ZYX: variants seen among roughly 807,000 people sequenced by gnomAD.
The protein encoded by ZYX is zyxin, also known as zyxin-2.
Under a neutral mutation model 58.1 loss-of-function variants are expected in ZYX, and 37 were observed. That is an observed-to-expected ratio of 0.64 (90% CI 0.49 to 0.84). The LOEUF (loss-of-function observed/expected upper bound fraction) is 0.84. Ranked by LOEUF, ZYX falls within the 40% of genes least tolerant of loss-of-function variation. The pLI, the probability that ZYX is intolerant of heterozygous loss-of-function variation, is 0.00. For synonymous variants in ZYX, 324 were observed against 321.1 expected, an observed-to-expected ratio of 1.01 and a Z score of -0.10; for missense variants, 762 against 761.6, an observed-to-expected ratio of 1.00 and a Z score of -0.01.
Position 143,382,452 on chromosome 7 carries a change from G to T in ZYX, c.408+5G>T. On this transcript the variant is annotated splice_donor_5th_base_variant and intron_variant, in intron 3 of 9. Coordinates refer to ENST00000322764, the MANE Select transcript of ZYX (RefSeq NM_003461.5). ...CCCATACCGCCCCCACCACAGGTAC[G>T]GAGGCCTGGGAGGGGCGGCTGCACT... The T allele has an allele frequency of 6.3e-7, 1 of 1,598,026 alleles. No individual in the cohort carries two copies. Among genetic ancestry groups the T allele is most frequent in the South Asian group, 1.1e-5 (1 of 90,436 alleles).
Position 143,388,844 on chromosome 7 carries a change from C to T in ZYX, c.1392C>T (p.His464=), listed in dbSNP as rs145663530. 2.5e-6 allele frequency: 4 copies of T among 1,613,966 alleles called. No homozygotes were observed. Among genetic ancestry groups the T allele is most frequent in the Admixed American group, 1.7e-5 (1 of 60,002 alleles). ...RMLRATGKAY[H]PHCFTCVVCA... ...TGAGGGCCACGGGCAAGGCCTATCA[C>T]CCGCACTGCTTCACCTGTGTGGTCT... The change falls in exon 8 of 10, where the codon CAC becomes CAT. Residue 464 remains histidine (H), a synonymous_variant. Coordinates refer to ENST00000322764, the MANE Select transcript of ZYX (RefSeq NM_003461.5). The surrounding 1 kb of genome is among the most constrained non-coding windows in gnomAD (Gnocchi z 7.5).
rs557841980 is a variant in ZYX at position 143,387,246 on chromosome 7, G to A, written c.1024-973G>A. ...GCAACTCTGGGTACAGATGGGGGTCGGGGTGAGGGGCAGTGAAGCCAGGGC... is the reference window on the plus strand; with the variant it reads ...GCAACTCTGGGTACAGATGGGGGTCAGGGTGAGGGGCAGTGAAGCCAGGGC... On this transcript the variant is annotated intron_variant, in intron 5 of 9. Coordinates refer to ENST00000322764, the MANE Select transcript of ZYX (RefSeq NM_003461.5). The surrounding 1 kb of genome is among the most constrained non-coding windows in gnomAD (Gnocchi z 5.8). Among the ~76,000 whole-genome samples, 9 of 152,228 alleles carry A rather than the reference G, an allele frequency of 5.9e-5. No homozygotes were observed. The highest frequency in any genetic ancestry group is 1.9e-4 in the African/African-American group (8 of 41,532).
Position 143,384,762 on chromosome 7 carries a change from C to T in ZYX, c.1023+1440C>T, listed in dbSNP as rs536065378. The stretch of plus-strand genomic sequence containing the variant: ...GGAAGAGGGAAAAAAAAGTCTCCAG[C>T]ACGATTTGGAGATGGGGTGTGGGCG... On this transcript the variant is annotated intron_variant, in intron 5 of 9. Transcript: ENST00000322764. This position sits in a 1 kb window ranked among gnomAD's most constrained non-coding sequence, Gnocchi z 4.9. Among the ~76,000 whole-genome samples the T allele has an allele frequency of 8.5e-5, 13 of 152,160 alleles. No homozygotes were observed. In the South Asian group the frequency reaches 2.5e-3, roughly 29 times the overall value.
At chr7:143,385,160 T>G (rs1563108616) in intron 5 of ZYX, among the ~76,000 whole-genome samples, 1 of 152,044 alleles carries the variant, frequency 6.6e-6, no homozygotes, top group South Asian at 2.1e-4. Flanking sequence ...GGCTAGAGAT[T>G]AGACTGTTGG....
chr7:143,383,465 C>T (rs1804737665), intron 5 of ZYX, 143 bp downstream of exon 5: 2 of 1,127,962 alleles, frequency 1.8e-6, no homozygotes, highest in South Asian at 1.6e-5. Context: ...TTTTCATCCT[C>T]TGGGGTTAGC....
Position 143,388,589 on chromosome 7 carries a change from TGC to T in ZYX, c.1248_1249del (p.Gln417AlafsTer22), listed in dbSNP as rs1232264930. The T allele has an allele frequency of 6.2e-7, 1 of 1,612,770 alleles. No homozygotes were observed. The highest frequency in any genetic ancestry group is 8.5e-7 in the Non-Finnish European group (1 of 1,179,962). ...TCGCCTGCTTCACCTGCCACCAGTG[TGC>T]GCAGCAGCTCCAGGGCCAGCAGTTC... ...HIACFTCHQCAQQLQGQQFYS... is the reference protein window; with the variant it reads ...HIACFTCHQCXQQLQGQQFYS... On this transcript the variant is annotated frameshift_variant, in exon 7 of 10. Transcript: ENST00000322764. LOFTEE classifies it high-confidence loss of function. The surrounding 1 kb of genome is among the most constrained non-coding windows in gnomAD (Gnocchi z 7.5).
At position 143,388,738 on chromosome 7, in the gene ZYX, C is replaced by G. The variant is rs140343735; in HGVS notation, c.1315-29C>G. 6 of 1,610,436 alleles carry G rather than the reference C, an allele frequency of 3.7e-6. No homozygotes were observed. Among genetic ancestry groups the G allele is most frequent in the Non-Finnish European group, 5.1e-6 (6 of 1,177,652 alleles). ...AAGCTTGCTGTGGGGTGCCGGTTCC[C>G]TGCCAACCTCCTCCTGCTGCCTCCT... is the stretch of plus-strand genomic sequence containing the variant. On this transcript the variant is annotated intron_variant, in intron 7 of 9. Coordinates refer to ENST00000322764, the MANE Select transcript of ZYX (RefSeq NM_003461.5). This position sits in a 1 kb window ranked among gnomAD's most constrained non-coding sequence, Gnocchi z 7.5.
At position 143,383,292 on chromosome 7, in the gene ZYX, C is replaced by T. The variant is rs748438882; in HGVS notation, c.993C>T (p.Pro331=). 110 of 1,610,594 alleles carry T rather than the reference C, an allele frequency of 6.8e-5. No homozygotes were observed. Among genetic ancestry groups the T allele is most frequent in the Non-Finnish European group, 8.8e-5 (104 of 1,178,832 alleles). ...CCCGAGTGCAGGAGAAGCAGCACCC[C>T]GTGCCCCCACCGGCTCAGAACCAAA... ...EKPRVQEKQH[P]VPPPAQNQNQ... is the part of the protein sequence containing the mutation. Residue 331 remains proline, a synonymous_variant, in exon 5 of 10, where the codon CCC becomes CCT. Transcript: ENST00000322764.
In ZYX at chr7:143,390,666, C is replaced by A; in HGVS notation, c.1703C>A (p.Ala568Asp). The A allele has an allele frequency of 6.3e-7, 1 of 1,582,132 alleles. No homozygotes were observed. Among genetic ancestry groups the A allele is most frequent in the Admixed American group, 1.8e-5 (1 of 55,056 alleles). ...GHVLCRKCHTARAQT is the reference protein window; with the variant it reads ...GHVLCRKCHTDRAQT ...GTGCTCTGTCGGAAGTGCCACACTGCTAGAGCCCAGACCTGAGTGAGGACA... is the reference window on the plus strand; with the variant it reads ...GTGCTCTGTCGGAAGTGCCACACTGATAGAGCCCAGACCTGAGTGAGGACA... The change falls in exon 10 of 10, where the codon GCT becomes GAT. Residue 568 changes from alanine (A) to aspartate (D), a missense_variant. Ala to Asp is a moderately radical substitution (Grantham distance 126). Coordinates refer to ENST00000322764, the MANE Select transcript of ZYX (RefSeq NM_003461.5). This position sits in a 1 kb window ranked among gnomAD's most constrained non-coding sequence, Gnocchi z 4.3.
intron 3 of ZYX, 53 bp from the exon 4 acceptor site, chr7:143,382,539 TG>T: frequency 6.2e-7 from 1 of 1,602,236 alleles, no homozygotes; most frequent in East Asian, 2.2e-5. Flanking sequence ...ACCTCTGCCT[TG>T]GGGGTGGGGG....
rs1805012702 is a variant in ZYX at position 143,390,016 on chromosome 7, CAGG to C, written c.1614+43_1614+45del. 1 of 1,606,952 alleles carries C rather than the reference CAGG, an allele frequency of 6.2e-7. No homozygotes were observed. The highest frequency in any genetic ancestry group is 8.5e-7 in the Non-Finnish European group (1 of 1,174,852). ...CTGGACTCCTTGGGCAGGTTCTGAC[CAGG>C]AGGTGGCGGGAGATGCTGCTTACTA... On this transcript the variant is annotated intron_variant, in intron 9 of 9. Transcript: ENST00000322764. This position sits in a 1 kb window ranked among gnomAD's most constrained non-coding sequence, Gnocchi z 4.3.
rs1405121827 is a variant in ZYX at position 143,390,166 on chromosome 7, G to A, written c.1614+189G>A. Reference sequence around the variant, plus strand: ...GCCACTGCAGGAAATGGGGCTGTGGGGCTTCTGAGGTCACTTTGAGTCATG... The same window carrying A: ...GCCACTGCAGGAAATGGGGCTGTGGAGCTTCTGAGGTCACTTTGAGTCATG... On this transcript the variant is annotated intron_variant, in intron 9 of 9. Transcript: ENST00000322764. This position sits in a 1 kb window ranked among gnomAD's most constrained non-coding sequence, Gnocchi z 4.3. The A allele has an allele frequency of 1.3e-6, 1 of 747,766 alleles. No individual in the cohort carries two copies. The highest frequency in any genetic ancestry group is 2.9e-5 in the Admixed American group (1 of 34,018). 46.3% of individuals were successfully genotyped at this position (747,766 alleles called of 1,614,324 possible).
chr7:143,386,393 G>T (rs908939200), intron 5 of ZYX, among the ~76,000 whole-genome samples: 2 of 152,058 alleles, frequency 1.3e-5, no homozygotes, highest in African/African-American at 4.8e-5. Flanking sequence ...GTGAGGTCAC[G>T]GTGCGAGCAA....
Position 143,384,312 on chromosome 7 carries a change from T to C in ZYX, c.1023+990T>C. 2 of 469,106 alleles carry C rather than the reference T, an allele frequency of 4.3e-6. No homozygotes were observed. The highest frequency in any genetic ancestry group is 8.9e-6 in the Non-Finnish European group (2 of 225,866). 29.1% of individuals were successfully genotyped at this position (469,106 alleles called of 1,614,324 possible). On this transcript the variant is annotated intron_variant, in intron 5 of 9. Coordinates refer to ENST00000322764, the MANE Select transcript of ZYX (RefSeq NM_003461.5). This position sits in a 1 kb window ranked among gnomAD's most constrained non-coding sequence, Gnocchi z 4.9. ...TCAAATTAGGAAAGGCTTCGAAGGA[T>C]GGGCAGGACGTAAGAATCCAGAGAG...
chr7:143,390,746 A>T lies in ZYX; in HGVS notation c.*64A>T. The T allele has an allele frequency of 8.7e-7, 1 of 1,152,448 alleles. No homozygotes were observed. The highest frequency in any genetic ancestry group is 2.0e-5 in the Admixed American group (1 of 49,844). The allele number at this position is 1,152,448 out of a possible 1,614,324, so 71.4% of individuals were successfully genotyped here. A position where few individuals can be genotyped will look rare whatever the true frequency, so the allele number is the denominator to read the frequency against. On this transcript the variant is annotated 3_prime_UTR_variant, in exon 10 of 10. Transcript: ENST00000322764. The surrounding 1 kb of genome is among the most constrained non-coding windows in gnomAD (Gnocchi z 4.3). ...ATTGTGGACCACCCACACTGAGACC[A>T]CCTGCCCCCACCTCAGTTATTGTTT...
rs548133124 is a variant in ZYX, at chr7:143,387,544, C to G, written c.1024-675C>G. Among the ~76,000 whole-genome samples the G allele has an allele frequency of 6.6e-6, 1 of 152,170 alleles. No homozygotes were observed. Among genetic ancestry groups the G allele is most frequent in the Non-Finnish European group, 1.5e-5 (1 of 68,012 alleles). ...CTGTCCTTAACATCCACCCCCCACT[C>G]CAGTCCCCGGGATCCCCTAAATGGG... is the stretch of plus-strand genomic sequence containing the variant. On this transcript the variant is annotated intron_variant, in intron 5 of 9. Transcript: ENST00000322764. This position sits in a 1 kb window ranked among gnomAD's most constrained non-coding sequence, Gnocchi z 5.8.
At position 143,382,450 on chromosome 7, in the gene ZYX, A is replaced by G; in HGVS notation, c.408+3A>G. On this transcript the variant is annotated splice_donor_region_variant and intron_variant, in intron 3 of 9. Coordinates refer to ENST00000322764, the MANE Select transcript of ZYX (RefSeq NM_003461.5). The stretch of plus-strand genomic sequence containing the variant: ...CCCCCATACCGCCCCCACCACAGGT[A>G]CGGAGGCCTGGGAGGGGCGGCTGCA... The G allele has an allele frequency of 6.3e-7, 1 of 1,598,816 alleles. No homozygotes were observed. The highest frequency in any genetic ancestry group is 8.5e-7 in the Non-Finnish European group (1 of 1,172,332).
Position 143,382,642 on chromosome 7 carries a change from C to T in ZYX, c.458C>T (p.Ser153Leu). The T allele has an allele frequency of 6.2e-7, 1 of 1,614,102 alleles. No homozygotes were observed. The highest frequency in any genetic ancestry group is 8.5e-7 in the Non-Finnish European group (1 of 1,179,992). ...SIDLEIDSLS[S>L]LLDDMTKNDP... is the part of the protein sequence containing the mutation. Reference sequence around the variant, plus strand: ...GATTTGGAGATCGACTCTCTGTCCTCACTGCTGGATGACATGACCAAGAAT... The same window carrying T: ...GATTTGGAGATCGACTCTCTGTCCTTACTGCTGGATGACATGACCAAGAAT... Residue 153 changes from serine to leucine, a missense_variant, in exon 4 of 10, where the codon TCA (serine) becomes TTA (leucine). Coordinates refer to ENST00000322764, the MANE Select transcript of ZYX (RefSeq NM_003461.5).
chr7:143,381,697 G>C lies in ZYX; in HGVS notation c.126G>C (p.Gly42=), dbSNP rs1804594280. Reference sequence around the variant, plus strand: ...CCAAAGTGAATCCCTTCCGGCCCGGGGACAGCGAGCCTCCCCCGGCACCCG... The same window carrying C: ...CCAAAGTGAATCCCTTCCGGCCCGGCGACAGCGAGCCTCCCCCGGCACCCG... ...PKPKVNPFRP[G]DSEPPPAPGA... is the part of the protein sequence containing the mutation. The change falls in exon 2 of 10, where the codon GGG becomes GGC. Residue 42 remains glycine (G), a synonymous_variant. Coordinates refer to ENST00000322764, the MANE Select transcript of ZYX (RefSeq NM_003461.5). 6.2e-7 allele frequency: 1 copy of C among 1,606,518 alleles called. No individual in the cohort carries two copies. The highest frequency in any genetic ancestry group is 1.3e-5 in the African/African-American group (1 of 74,852).
Sources: allele counts gnomAD v4.1 joint callset (sites outside exome capture counted in the v4.1 genomes callset), GRCh38; gene constraint gnomAD v4.1.1; non-coding constraint Gnocchi (gnomAD v3.1); transcripts MANE v1.5; gene names NCBI Gene and HGNC (gene_info 2026-07-23, HGNC 2026-07-21).